PDE1A: variants seen among roughly 807,000 people sequenced by gnomAD.
PDE1A encodes the protein dual specificity calcium/calmodulin-dependent 3',5'-cyclic nucleotide phosphodiesterase 1A.
In PDE1A, 35 loss-of-function variants were observed where a neutral mutation model predicts 61.7. That is an observed-to-expected ratio of 0.57 (90% CI 0.43 to 0.75). The LOEUF (loss-of-function observed/expected upper bound fraction) is 0.75, where lower values mean the gene tolerates loss of function less well. PDE1A is among the 30% of genes least tolerant of loss of function. The pLI, the probability that PDE1A is intolerant of heterozygous loss-of-function variation, is 0.00. For missense variants in PDE1A, 597 were observed against 630.6 expected (o/e 0.95, Z 0.57); for synonymous variants, 232 against 213.2 (o/e 1.09, Z -0.77).
the PDE1A span, among the ~76,000 whole-genome samples, chr2:182,544,848 A>G: frequency 6.6e-6 from 1 of 151,238 alleles, no homozygotes; most frequent in African/African-American, 2.4e-5. Context: ...CTCCTTCTTT[A>G]TTTATCTCCT....
chr2:182,150,455 T>A (rs548058839), intron 13 of PDE1A, among the ~76,000 whole-genome samples: 54 of 152,298 alleles, frequency 3.5e-4, no homozygotes, highest in African/African-American at 1.3e-3. Flanking sequence ...CTGAAAGGAT[T>A]TGCAATGTCA....
the PDE1A span, among the ~76,000 whole-genome samples, chr2:182,581,028 A>G: frequency 1.3e-5 from 2 of 152,220 alleles, no homozygotes; most frequent in Non-Finnish European, 2.9e-5. Flanking sequence ...ACAATATCAG[A>G]TAACATCTAA....
intron 1 of PDE1A, among the ~76,000 whole-genome samples, 183 bp downstream of exon 1, chr2:182,426,395 G>A (rs760159184): frequency 6.6e-6 from 1 of 152,172 alleles, no homozygotes; most frequent in African/African-American, 2.4e-5. Flanking sequence ...GTTGATAAGA[G>A]TTTGTGCACA....
intron 1 of PDE1A, among the ~76,000 whole-genome samples, chr2:182,400,897 CTCATCT>C (rs1253633297): frequency 6.6e-6 from 1 of 152,164 alleles, no homozygotes; most frequent in African/African-American, 2.4e-5. Context: ...CAGAGCATTT[CTCATCT>C]TCAAGTCCAG....
In PDE1A at chr2:182,264,545, ATT is replaced by A. The variant is rs550306370; in HGVS notation, c.54-133_54-132del. 17 of 593,050 alleles carry A rather than the reference ATT, an allele frequency of 2.9e-5. No homozygotes were observed. The East Asian group carries it at 4.5e-4, about 16-fold the overall frequency. The allele number at this position is 593,050 out of a possible 1,614,324, so 36.7% of individuals were successfully genotyped here. A position where few individuals can be genotyped will look rare whatever the true frequency, so the allele number is the denominator to read the frequency against. ...TATTTCTAGGTCAACAAATAGCATT[ATT>A]TTCAGATTTTTTTTTGATATAATTA... On this transcript the variant is annotated intron_variant, in intron 1 of 13. Transcript: ENST00000351439.
At chr2:182,521,007 G>C (rs567649670) in intron 2 of PDE1A, among the ~76,000 whole-genome samples, 2 of 152,120 alleles carry the variant, frequency 1.3e-5, no homozygotes, top group Admixed American at 1.3e-4. Flanking sequence ...ATAATGTAAA[G>C]ATGGCTTCCT....
At chr2:182,436,721 C>G (rs1037570523) in intron 2 of PDE1A, among the ~76,000 whole-genome samples, 1 of 151,800 alleles carries the variant, frequency 6.6e-6, no homozygotes, top group African/African-American at 2.4e-5. Context: ...CATAACACAC[C>G]CAAAAGGTAG....
chr2:182,450,604 TGATTA>T (rs958296783), intron 2 of PDE1A, among the ~76,000 whole-genome samples: 1 of 152,088 alleles, frequency 6.6e-6, no homozygotes, highest in Admixed American at 6.6e-5. Flanking sequence ...CCCTGCAGTT[TGATTA>T]AATAAAGACT....
chr2:182,498,825 T>C (rs904313711), intron 2 of PDE1A, among the ~76,000 whole-genome samples: 1 of 151,864 alleles, frequency 6.6e-6, no homozygotes, highest in Non-Finnish European at 1.5e-5. Context: ...GCGCCTGTAG[T>C]CCCAGCTACT....
intron 7 of PDE1A, among the ~76,000 whole-genome samples, chr2:182,218,190 A>C (rs1447554847): frequency 6.7e-6 from 1 of 148,210 alleles, no homozygotes; most frequent in Non-Finnish European, 1.5e-5. Flanking sequence ...AACACCGCAT[A>C]TTCTCACTCA....
At chr2:182,547,780 A>T in the PDE1A span, among the ~76,000 whole-genome samples, 2 of 152,228 alleles carry the variant, frequency 1.3e-5, no homozygotes, top group Non-Finnish European at 2.9e-5. Context: ...AATTTCTATG[A>T]CTAGAATAAA....
chr2:182,455,844 C>T (rs1486581812), intron 2 of PDE1A, among the ~76,000 whole-genome samples: 3 of 151,350 alleles, frequency 2.0e-5, no homozygotes, highest in Non-Finnish European at 4.4e-5. Context: ...CAACATGGCA[C>T]ATGTATACAT....
chr2:182,592,814 G>C, the PDE1A span, among the ~76,000 whole-genome samples: 1 of 152,090 alleles, frequency 6.6e-6, no homozygotes, highest in East Asian at 1.9e-4. Flanking sequence ...AAGGGTAGTT[G>C]ATACATTTGT....
chr2:182,207,940 T>C (rs768541356), intron 7 of PDE1A, among the ~76,000 whole-genome samples: 1 of 152,246 alleles, frequency 6.6e-6, no homozygotes, highest in African/African-American at 2.4e-5. Flanking sequence ...TGGTGGCTTC[T>C]ACATGGTATT....
chr2:182,261,878 G>A (rs1052625435), intron 2 of PDE1A, among the ~76,000 whole-genome samples: 1 of 152,270 alleles, frequency 6.6e-6, no homozygotes, highest in Admixed American at 6.5e-5. Context: ...TCTTCAAATC[G>A]TTCTTTGGTT....
the PDE1A span, among the ~76,000 whole-genome samples, chr2:182,562,786 G>T: frequency 4.6e-5 from 7 of 152,180 alleles, no homozygotes; most frequent in African/African-American, 1.4e-4. Context: ...AGTCTTGGGA[G>T]TGTGTATATG....
At chr2:182,435,189 C>T (rs2125651626) in intron 2 of PDE1A, among the ~76,000 whole-genome samples, 1 of 152,156 alleles carries the variant, frequency 6.6e-6, no homozygotes, top group Non-Finnish European at 1.5e-5. Context: ...AAAACAGATT[C>T]TCATAGCCAA....
the PDE1A span, among the ~76,000 whole-genome samples, chr2:182,578,177 T>A: frequency 2.6e-5 from 4 of 152,214 alleles, no homozygotes; most frequent in East Asian, 7.7e-4. Context: ...TAATAAAGCA[T>A]AACATGGATC....
At chr2:182,234,452 C>T (rs1414177193) in exon 4 of PDE1A, 1 of 1,607,200 alleles carries the variant, frequency 6.2e-7, no homozygotes, top group Non-Finnish European at 8.5e-7. Flanking sequence ...ACGATGACAG[C>T]TGCTGGATAT....
Sources: gnomAD v4.1 joint callset for allele counts (sites outside exome capture counted in the v4.1 genomes callset) on GRCh38, gnomAD v4.1.1 for gene constraint, MANE v1.5 for transcripts, NCBI Gene and HGNC (gene_info 2026-07-23, HGNC 2026-07-21) for gene names.